Variants in GPR149 observed in about 807,000 individuals in gnomAD.
The protein encoded by GPR149 is probable G protein-coupled receptor 149.
A neutral mutation model predicts 50.2 loss-of-function variants in GPR149; 50 were observed. That is an observed-to-expected ratio of 1.00 (90% CI 0.79 to 1.26). The LOEUF (loss-of-function observed/expected upper bound fraction) is 1.26. Ranked by LOEUF, GPR149 falls within the 50% of genes most tolerant of loss-of-function variation. The pLI is 0.00. For missense variants in GPR149, 983 were observed against 895.4 expected (o/e 1.10, Z -1.25); for synonymous variants, 405 against 358.2 (o/e 1.13, Z -1.48).
chr3:154,390,222 A>G (rs1176579922), intron 3 of GPR149, among the ~76,000 whole-genome samples: 1 of 152,176 alleles, frequency 6.6e-6, no homozygotes, highest in Non-Finnish European at 1.5e-5. Context: ...TGTTCCAAAC[A>G]AAGCAACACG....
intron 3 of GPR149, among the ~76,000 whole-genome samples, chr3:154,358,135 T>C (rs1479542536): frequency 6.7e-6 from 1 of 149,100 alleles, no homozygotes; most frequent in African/African-American, 2.5e-5. Flanking sequence ...CACTGGGGCC[T>C]GTTGTGGGGT....
rs1713775623 is a variant in GPR149 at position 154,340,875 on chromosome 3, C to G, written c.1624-2604G>C. Among the ~76,000 whole-genome samples, 3 of 152,132 alleles carry G rather than the reference C, an allele frequency of 2.0e-5. No homozygotes were observed. The South Asian group carries it at 6.2e-4, about 32-fold the overall frequency. On this transcript the variant is annotated intron_variant, in intron 3 of 3. Transcript: ENST00000389740. ...TAGCTGAGACTACAGGTGCGTGCCA[C>G]CACACCTGGCTAGTTTCTGTATTTT... is the stretch of plus-strand genomic sequence containing the variant.
chr3:154,396,908 ATTTT>A (rs1320487486), intron 3 of GPR149, among the ~76,000 whole-genome samples: 3 of 151,250 alleles, frequency 2.0e-5, no homozygotes, highest in Non-Finnish European at 4.4e-5. Context: ...TTATATATAT[ATTTT>A]TTGTCATTGT....
intron 3 of GPR149, among the ~76,000 whole-genome samples, chr3:154,360,158 G>A (rs1197767258): frequency 6.6e-6 from 1 of 152,200 alleles, no homozygotes; most frequent in Non-Finnish European, 1.5e-5. Flanking sequence ...ATGGTTTAAA[G>A]TAATGATTCT....
At chr3:154,379,681 C>A (rs1714871797) in intron 3 of GPR149, among the ~76,000 whole-genome samples, 1 of 152,264 alleles carries the variant, frequency 6.6e-6, no homozygotes, top group East Asian at 1.9e-4. Flanking sequence ...AGTGTCCCAG[C>A]ACCATTTGTT....
chr3:154,370,531 G>A (rs1714640784), intron 3 of GPR149, among the ~76,000 whole-genome samples: 1 of 152,140 alleles, frequency 6.6e-6, no homozygotes, highest in Non-Finnish European at 1.5e-5. Context: ...AAGAAGGTTT[G>A]AAAGGAAGGT....
Position 154,337,636 on chromosome 3 carries a change from A to C in GPR149, c.*63T>G. 8.3e-7 allele frequency: 1 copy of C among 1,202,714 alleles called. No homozygotes were observed. The highest frequency in any genetic ancestry group is 2.3e-5 in the East Asian group (1 of 42,606). The allele number at this position is 1,202,714 out of a possible 1,614,324, so 74.5% of individuals were successfully genotyped here. A position where few individuals can be genotyped will look rare whatever the true frequency, so the allele number is the denominator to read the frequency against. ...ATAAAAGGAAATCAGTCTCATAACA[A>C]AGGTGTTAGTTTCACAGTTGACGTT... On this transcript the variant is annotated 3_prime_UTR_variant, in exon 4 of 4. Transcript: ENST00000389740.
intron 3 of GPR149, among the ~76,000 whole-genome samples, chr3:154,380,173 AG>A (rs1714886272): frequency 4.8e-5 from 2 of 41,582 alleles, no homozygotes; most frequent in African/African-American, 2.9e-4. Context: ...AGACAGAGAG[AG>A]AGAGAGAGAG....
intron 3 of GPR149, among the ~76,000 whole-genome samples, chr3:154,415,771 T>C (rs1576928487): frequency 6.6e-6 from 1 of 152,078 alleles, no homozygotes; most frequent in Non-Finnish European, 1.5e-5. Flanking sequence ...ACAATAATTA[T>C]AAGTTAGTTT....
chr3:154,409,602 A>G (rs1274885716), intron 3 of GPR149, among the ~76,000 whole-genome samples: 1 of 152,060 alleles, frequency 6.6e-6, no homozygotes, highest in African/African-American at 2.4e-5. Context: ...AGGTCTCAGC[A>G]ATAGAATTGA....
At position 154,429,639 on chromosome 3, in the gene GPR149, C is replaced by T. The variant is rs1055105109; in HGVS notation, c.-24G>A. ...ATTGTCCTTGGTCAATATTTAATTT[C>T]CCTTATCAATGAGTCTGATAATTTT... On this transcript the variant is annotated 5_prime_UTR_variant, in exon 1 of 4. Transcript: ENST00000389740. The T allele has an allele frequency of 2.5e-6, 4 of 1,585,852 alleles. No homozygotes were observed. Among genetic ancestry groups the T allele is most frequent in the South Asian group, 1.1e-5 (1 of 87,398 alleles).
intron 3 of GPR149, among the ~76,000 whole-genome samples, chr3:154,392,934 T>C (rs909834759): frequency 1.3e-5 from 2 of 151,958 alleles, no homozygotes; most frequent in African/African-American, 2.4e-5. Flanking sequence ...ATTGAAATAG[T>C]AATCAAAAAC....
intron 3 of GPR149, among the ~76,000 whole-genome samples, chr3:154,368,955 T>C (rs1237838332): frequency 6.6e-6 from 1 of 152,228 alleles, no homozygotes; most frequent in African/African-American, 2.4e-5. Flanking sequence ...CCAACAGTCC[T>C]TGTGCCCCAT....
intron 3 of GPR149, among the ~76,000 whole-genome samples, chr3:154,405,384 C>A (rs1401036351): frequency 6.6e-6 from 1 of 151,790 alleles, no homozygotes; most frequent in East Asian, 1.9e-4. Flanking sequence ...GTCAGGAGAG[C>A]GAGACCATCC....
At position 154,421,016 on chromosome 3, in the gene GPR149, A is replaced by G. The variant is rs752757062; in HGVS notation, c.1623+23T>C. 3.9e-6 allele frequency: 6 copies of G among 1,527,572 alleles called. No individual in the cohort carries two copies. In the South Asian group the frequency reaches 5.0e-5, roughly 13 times the overall value. 94.6% of individuals were successfully genotyped at this position (1,527,572 alleles called of 1,614,324 possible). A position where few individuals can be genotyped will look rare whatever the true frequency, so the allele number is the denominator to read the frequency against. On this transcript the variant is annotated intron_variant, in intron 3 of 3. Coordinates refer to ENST00000389740, the MANE Select transcript of GPR149 (RefSeq NM_001038705.3). ...TATTTAGTATCACTTTCAATTTAACAGCAAGAACAACTTTTACTGTACCTG... is the reference window on the plus strand; with the variant it reads ...TATTTAGTATCACTTTCAATTTAACGGCAAGAACAACTTTTACTGTACCTG...
intron 3 of GPR149, among the ~76,000 whole-genome samples, chr3:154,360,270 A>C (rs938719179): frequency 6.6e-6 from 1 of 152,166 alleles, no homozygotes; most frequent in African/African-American, 2.4e-5. Flanking sequence ...TAATGACTAT[A>C]CTAAGGTTTT....
At position 154,421,067 on chromosome 3, in the gene GPR149, C is replaced by T; in HGVS notation, c.1595G>A (p.Arg532Lys). 1.2e-6 allele frequency: 2 copies of T among 1,612,200 alleles called. No homozygotes were observed. Among genetic ancestry groups the T allele is most frequent in the Non-Finnish European group, 8.5e-7 (1 of 1,179,172 alleles). Residue 532 changes from arginine to lysine, a missense_variant, in exon 3 of 4, where the codon AGG (arginine) becomes AAG (lysine). Transcript: ENST00000389740. The stretch of plus-strand genomic sequence containing the variant: ...ACGAGGGGTTCTTTCTGATTTACTC[C>T]TACACCACTCCCAGTCTGAAAGATC... ...KPDLSDWEWCRSKSERTPRQR... is the reference protein window; with the variant it reads ...KPDLSDWEWCKSKSERTPRQR...
intron 3 of GPR149, among the ~76,000 whole-genome samples, chr3:154,402,800 T>G (rs1487878815): frequency 6.6e-6 from 1 of 152,236 alleles, no homozygotes; most frequent in Non-Finnish European, 1.5e-5. Context: ...CATACATGCC[T>G]GTGTGGAACT....
chr3:154,387,339 G>A (rs1164036531), intron 3 of GPR149, among the ~76,000 whole-genome samples: 1 of 152,130 alleles, frequency 6.6e-6, no homozygotes, highest in Non-Finnish European at 1.5e-5. Flanking sequence ...GTGCCCTCCT[G>A]TTCCTTCTGA....
Sources: gnomAD v4.1 joint callset for allele counts (sites outside exome capture counted in the v4.1 genomes callset) on GRCh38, gnomAD v4.1.1 for gene constraint, MANE v1.5 for transcripts, NCBI Gene and HGNC (gene_info 2026-07-23, HGNC 2026-07-21) for gene names.